PPP4R4: variants seen among roughly 807,000 people sequenced by gnomAD.
The protein encoded by PPP4R4 is protein phosphatase 4 regulatory subunit 4.
A neutral mutation model predicts 121.8 loss-of-function variants in PPP4R4; 70 were observed. The observed-to-expected ratio is 0.57, with a 90% CI of 0.47 to 0.70. The LOEUF (loss-of-function observed/expected upper bound fraction) is 0.70. Ranked by LOEUF, PPP4R4 falls within the 30% of genes least tolerant of loss-of-function variation. PPP4R4 has a pLI of 0.00. For synonymous variants in PPP4R4, 348 were observed against 355.7 expected (o/e 0.98, Z 0.24); for missense variants, 875 against 1,033.6 (o/e 0.85, Z 2.10).
intron 3 of PPP4R4, among the ~76,000 whole-genome samples, chr14:94,221,895 G>C (rs1891419914): frequency 6.6e-6 from 1 of 152,014 alleles, no homozygotes; most frequent in South Asian, 2.1e-4. Flanking sequence ...TCTTATACAT[G>C]AATGTTCATT....
rs145763609 is a variant in PPP4R4, at chr14:94,241,911, A to C, written c.1100A>C (p.Glu367Ala). 1 of 1,609,932 alleles carries C rather than the reference A, an allele frequency of 6.2e-7. No homozygotes were observed. Among genetic ancestry groups the C allele is most frequent in the African/African-American group, 1.3e-5 (1 of 74,730 alleles). ...NQIPPQILEQ[E>A]KKYISVRKNC... ...ATTCCACCCCAAATCCTAGAGCAGG[A>C]GAAGAAATATATTTCAGTACGGAAG... The change falls in exon 10 of 25, where the codon GAG (glutamate) becomes GCG (alanine). Residue 367 changes from glutamate to alanine, a missense_variant. Physicochemically the swap from Glu to Ala is moderately radical, Grantham distance 107. Coordinates refer to ENST00000304338, the MANE Select transcript of PPP4R4 (RefSeq NM_058237.2).
intron 22 of PPP4R4, 57 bp from the exon 23 acceptor site, chr14:94,266,902 A>G: frequency 1.8e-6 from 2 of 1,122,386 alleles, no homozygotes; most frequent in Non-Finnish European, 2.7e-6. Flanking sequence ...GTGTTAGATG[A>G]CTGAGATTGT....
rs553438362 is a variant in PPP4R4, at chr14:94,242,065, A to G, written c.1146+108A>G. 1.5e-4 allele frequency: 177 copies of G among 1,194,866 alleles called. 1 individual carries two copies. In the East Asian group the frequency reaches 3.4e-3, roughly 23 times the overall value. 74.0% of individuals were successfully genotyped at this position (1,194,866 alleles called of 1,614,324 possible). A position where few individuals can be genotyped will look rare whatever the true frequency, so the allele number is the denominator to read the frequency against. On this transcript the variant is annotated intron_variant, in intron 10 of 24. Transcript: ENST00000304338. ...ATTTTTGACACTTGCTGCTTGCATTATGTCTAGCATACATAGTATGTGCAG... is the reference window on the plus strand; with the variant it reads ...ATTTTTGACACTTGCTGCTTGCATTGTGTCTAGCATACATAGTATGTGCAG...
Position 94,174,547 on chromosome 14 carries a change from A to G in PPP4R4, c.82A>G (p.Thr28Ala). The G allele has an allele frequency of 6.2e-7, 1 of 1,612,332 alleles. No individual in the cohort carries two copies. The highest frequency in any genetic ancestry group is 1.1e-5 in the South Asian group (1 of 91,056). Residue 28 changes from threonine (T) to alanine (A), a missense_variant, in exon 1 of 25, where the codon ACC (threonine) becomes GCC (alanine). Thr to Ala is a moderately conservative substitution (Grantham distance 58, BLOSUM62 0). Coordinates refer to ENST00000304338, the MANE Select transcript of PPP4R4 (RefSeq NM_058237.2). ...FGYMEDLQEL[T>A]IIERPVRRSL... is the part of the protein sequence containing the mutation. ...TTACATGGAGGACCTGCAGGAGCTC[A>G]CCATCATCGAGAGGCCGGTCCGCCG...
rs1453364323 is a variant in PPP4R4 at position 94,188,179 on chromosome 14, T to C, written c.191+12052T>C. ...TGAATCTTGTAGAATTTTTTTTCTG[T>C]ATCTATTGATATGGTATATGGCTTT... On this transcript the variant is annotated intron_variant, in intron 2 of 24. Transcript: ENST00000304338. Among the ~76,000 whole-genome samples the C allele has an allele frequency of 2.6e-5, 4 of 152,300 alleles. No individual in the cohort carries two copies. The East Asian group carries it at 7.7e-4, about 29-fold the overall frequency.
chr14:94,242,477 G>C, intron 11 of PPP4R4, 69 bp downstream of exon 11: 1 of 1,453,916 alleles, frequency 6.9e-7, no homozygotes, highest in Non-Finnish European at 9.5e-7. Flanking sequence ...AGATGATTTT[G>C]TGCTTATAGA....
chr14:94,227,968 G>C (rs1047302324), intron 3 of PPP4R4: 1 of 762,798 alleles, frequency 1.3e-6, no homozygotes, highest in African/African-American at 1.9e-5. Flanking sequence ...TGGGAGGATT[G>C]ATTTCAGAGA....
chr14:94,256,408 T>A, intron 16 of PPP4R4, 52 bp from the exon 17 acceptor site: 5 of 1,431,116 alleles, frequency 3.5e-6, no homozygotes, highest in Non-Finnish European at 4.8e-6. Flanking sequence ...TTTATGTTTC[T>A]GTTATTCTTA....
At chr14:94,240,587 T>C (rs2139566309) in intron 8 of PPP4R4, 86 bp from the exon 9 acceptor site, 1 of 1,388,082 alleles carries the variant, frequency 7.2e-7, no homozygotes, top group Non-Finnish European at 9.7e-7. Context: ...AATTTTTCTT[T>C]CTGGAATTTG....
intron 3 of PPP4R4, among the ~76,000 whole-genome samples, chr14:94,211,665 A>G (rs1462806447): frequency 1.3e-5 from 2 of 152,130 alleles, no homozygotes; most frequent in African/African-American, 2.4e-5. Context: ...TTGTGTTTCT[A>G]TTTCACAGTG....
intron 11 of PPP4R4, 83 bp downstream of exon 11, chr14:94,242,491 T>C (rs1892687014): frequency 7.3e-7 from 1 of 1,360,664 alleles, no homozygotes. Context: ...TTATAGATTA[T>C]AAGATATAGA....
chr14:94,268,893 C>A (rs1046182423), intron 23 of PPP4R4, among the ~76,000 whole-genome samples: 4 of 152,028 alleles, frequency 2.6e-5, no homozygotes, highest in African/African-American at 9.7e-5. Context: ...GGTAGCGACA[C>A]AGAGCCAAAC....
intron 2 of PPP4R4, among the ~76,000 whole-genome samples, chr14:94,202,777 G>T (rs779298927): frequency 1.4e-4 from 22 of 152,192 alleles, no homozygotes; most frequent in Non-Finnish European, 2.6e-4. Flanking sequence ...AAGAGATCGA[G>T]ACCATCCTGG....
rs201163846 is a variant in PPP4R4, at chr14:94,231,284, A to C, written c.485A>C (p.Glu162Ala). Residue 162 changes from glutamate (E) to alanine (A), a missense_variant, in exon 5 of 25, where the codon GAA becomes GCA. Coordinates refer to ENST00000304338, the MANE Select transcript of PPP4R4 (RefSeq NM_058237.2). Reference protein sequence around the residue: ...AWLETLLSVIEVLPKETLRHE... With the variant: ...AWLETLLSVIAVLPKETLRHE... ...CTGGAAACTCTTCTGTCTGTTATAGAAGTATTGCCAAAAGAAACCCTACGG... is the reference window on the plus strand; with the variant it reads ...CTGGAAACTCTTCTGTCTGTTATAGCAGTATTGCCAAAAGAAACCCTACGG... The C allele has an allele frequency of 3.7e-6, 6 of 1,612,460 alleles. No individual in the cohort carries two copies. The East Asian group carries it at 1.3e-4, about 36-fold the overall frequency.
intron 2 of PPP4R4, among the ~76,000 whole-genome samples, 153 bp from the exon 3 acceptor site, chr14:94,208,311 A>G (rs1458527040): frequency 6.6e-6 from 1 of 152,084 alleles, no homozygotes; most frequent in African/African-American, 2.4e-5. Flanking sequence ...TTTTAATTTT[A>G]TATCTAAATG....
At position 94,207,777 on chromosome 14, in the gene PPP4R4, G is replaced by A. The variant is rs183540063; in HGVS notation, c.192-687G>A. 4.2e-3 allele frequency among the ~76,000 whole-genome samples: 638 copies of A among 151,588 alleles called. 5 individuals are homozygous for A. Among genetic ancestry groups the A allele is most frequent in the African/African-American group, 0.014 (597 of 41,396 alleles). On this transcript the variant is annotated intron_variant, in intron 2 of 24. Transcript: ENST00000304338. ...GCCACTTTGGTTATATTTGAAAACA[G>A]TTTTTTGCTGTTTGTGGAAATGGTT...
At chr14:94,274,639 G>A (rs1170670051) in intron 23 of PPP4R4, among the ~76,000 whole-genome samples, 2 of 152,184 alleles carry the variant, frequency 1.3e-5, no homozygotes, top group African/African-American at 4.8e-5. Context: ...TATCAAGTGT[G>A]TGTGAGGATG....
chr14:94,265,813 CA>C lies in PPP4R4; in HGVS notation c.2307del (p.Lys769AsnfsTer2). The C allele has an allele frequency of 6.2e-7, 1 of 1,604,456 alleles. No homozygotes were observed. The highest frequency in any genetic ancestry group is 8.5e-7 in the Non-Finnish European group (1 of 1,174,882). Reference protein sequence around the residue: ...PSTSKEIKKSKLIRSQSFNNQ... With the variant: ...PSTSKEIKKSXLIRSQSFNNQ... Reference sequence around the variant, plus strand: ...CTCTAGGTAAAGAAATCAAGAAATCCAAACTGATTCGAAGCCAGTCTTTTAA... The same window carrying C: ...CTCTAGGTAAAGAAATCAAGAAATCCAACTGATTCGAAGCCAGTCTTTTAA... On this transcript the variant is annotated frameshift_variant, in exon 22 of 25. Transcript: ENST00000304338. LOFTEE classifies it high-confidence loss of function.
At chr14:94,183,033 A>T (rs1889073926) in intron 2 of PPP4R4, among the ~76,000 whole-genome samples, 1 of 151,622 alleles carries the variant, frequency 6.6e-6, no homozygotes. Context: ...TACACCATCT[A>T]ACTTTTTTTC....
Sources: allele counts gnomAD v4.1 joint callset (sites outside exome capture counted in the v4.1 genomes callset), GRCh38; gene constraint gnomAD v4.1.1; transcripts MANE v1.5; gene names NCBI Gene and HGNC (gene_info 2026-07-23, HGNC 2026-07-21).